Variants in VAV1 observed in about 807,000 individuals in gnomAD.
VAV1 encodes the protein vav guanine nucleotide exchange factor 1.
VAV1 carries 33 observed loss-of-function variants against 128.1 expected under a neutral mutation model. The ratio of observed to expected loss-of-function variants is 0.26; its 90% CI spans 0.20 to 0.34. The LOEUF (loss-of-function observed/expected upper bound fraction) is 0.34, where lower values mean the gene tolerates loss of function less well. Among genes scored for constraint, VAV1 ranks in the 10% least tolerant of loss-of-function variants. The pLI, the probability that VAV1 is intolerant of heterozygous loss-of-function variation, is 1.00. For missense variants in VAV1, 715 were observed against 1,093.7 expected, an observed-to-expected ratio of 0.65 and a Z score of 4.88; for synonymous variants, 394 against 409.8, an observed-to-expected ratio of 0.96 and a Z score of 0.47.
chr19:6,849,091 A>AT (rs57015940), intron 23 of VAV1, among the ~76,000 whole-genome samples: 10 of 148,622 alleles, frequency 6.7e-5, no homozygotes, highest in South Asian at 4.3e-4. Flanking sequence ...CCACCTATAT[A>AT]TTTTTTTTTT....
chr19:6,799,457 C>A (rs1971213508), intron 1 of VAV1, among the ~76,000 whole-genome samples: 1 of 152,144 alleles, frequency 6.6e-6, no homozygotes, highest in Non-Finnish European at 1.5e-5. Flanking sequence ...CGTGAGCCAC[C>A]ATGCCCGGCC....
intron 6 of VAV1, among the ~76,000 whole-genome samples, chr19:6,823,563 G>A (rs1271829938): frequency 1.3e-5 from 2 of 151,534 alleles, no homozygotes; most frequent in Non-Finnish European, 2.9e-5. Flanking sequence ...AAACTCCTGG[G>A]CTCAAGCAAT....
intron 25 of VAV1, 56 bp from the exon 26 acceptor site, chr19:6,853,891 A>T: frequency 6.3e-7 from 1 of 1,582,684 alleles, no homozygotes; most frequent in Non-Finnish European, 8.6e-7. Flanking sequence ...GTGCCCCCAG[A>T]GAGTGAGTGG....
intron 21 of VAV1, among the ~76,000 whole-genome samples, chr19:6,841,475 T>C (rs1972375246): frequency 1.2e-5 from 1 of 80,974 alleles, no homozygotes; most frequent in Non-Finnish European, 3.3e-5. Flanking sequence ...CTATTTTTCT[T>C]TTCTTTTTTT....
At chr19:6,839,570 G>C (rs545909379) in intron 21 of VAV1, among the ~76,000 whole-genome samples, 14 of 151,848 alleles carry the variant, frequency 9.2e-5, no homozygotes, top group Admixed American at 2.0e-4. Flanking sequence ...GCCCGGCTGG[G>C]TATGGCATTT....
rs549978086 is a variant in VAV1 at position 6,801,118 on chromosome 19, G to A, written c.205-19584G>A. ...TTTGTCTCCTGGCTGGATTACATAA[G>A]CCCTGTAAGGGCAGAGCTCTGTTTG... On this transcript the variant is annotated intron_variant, in intron 1 of 26. Transcript: ENST00000602142. Among the ~76,000 whole-genome samples, 132 of 152,276 alleles carry A rather than the reference G, an allele frequency of 8.7e-4. 1 individual carries two copies. Among genetic ancestry groups the A allele is most frequent in the South Asian group, 5.4e-3 (26 of 4,826 alleles).
At chr19:6,798,231 C>A (rs1032357966) in intron 1 of VAV1, among the ~76,000 whole-genome samples, 1 of 151,910 alleles carries the variant, frequency 6.6e-6, no homozygotes, top group Non-Finnish European at 1.5e-5. Flanking sequence ...GAGCGGAGAT[C>A]GCATCATTGC....
intron 21 of VAV1, among the ~76,000 whole-genome samples, chr19:6,838,757 T>A (rs1972294269): frequency 6.6e-6 from 1 of 152,110 alleles, no homozygotes; most frequent in Non-Finnish European, 1.5e-5. Flanking sequence ...AGAGAGAGGG[T>A]CTCATTCTGT....
intron 1 of VAV1, among the ~76,000 whole-genome samples, chr19:6,791,831 G>T (rs903622130): frequency 6.6e-6 from 1 of 152,162 alleles, no homozygotes; most frequent in Non-Finnish European, 1.5e-5. Flanking sequence ...AGGAGGAGGA[G>T]CCAGCTCTGG....
intron 1 of VAV1, among the ~76,000 whole-genome samples, chr19:6,789,740 G>A (rs1219583601): frequency 6.6e-6 from 1 of 152,128 alleles, no homozygotes; most frequent in Non-Finnish European, 1.5e-5. Context: ...TGGGTTTATA[G>A]GCATGTGCCA....
intron 21 of VAV1, among the ~76,000 whole-genome samples, chr19:6,842,000 T>A (rs1599675632): frequency 6.6e-6 from 1 of 151,420 alleles, no homozygotes; most frequent in Admixed American, 6.6e-5. Flanking sequence ...CCGAGGCGGG[T>A]GGATCACCTG....
At chr19:6,833,155 T>C in intron 15 of VAV1, 29 bp from the exon 16 acceptor site, 4 of 1,558,462 alleles carry the variant, frequency 2.6e-6, no homozygotes, top group South Asian at 1.2e-5. Flanking sequence ...GACCTTCTTT[T>C]TTTTTTTTTT....
intron 1 of VAV1, among the ~76,000 whole-genome samples, chr19:6,789,593 C>CTCCCTTCCTTCCTTCCT (rs1555698636): frequency 2.0e-5 from 3 of 149,992 alleles, no homozygotes; most frequent in African/African-American, 7.4e-5. Context: ...TTTTCTTTCC[C>CTCCCTTCCTTCCTTCCT]TCCTTCCTTC....
At chr19:6,831,381 G>A (rs1290634943) in intron 14 of VAV1, among the ~76,000 whole-genome samples, 3 of 152,050 alleles carry the variant, frequency 2.0e-5, no homozygotes, top group East Asian at 1.9e-4. Context: ...GCATGATCTC[G>A]GCTCACTGCA....
chr19:6,843,894 A>G (rs374242028), intron 22 of VAV1, among the ~76,000 whole-genome samples: 6 of 151,556 alleles, frequency 4.0e-5, no homozygotes, highest in Non-Finnish European at 8.8e-5. Context: ...GCTGAATTTT[A>G]TAGGCAGGAA....
intron 1 of VAV1, among the ~76,000 whole-genome samples, chr19:6,815,103 C>T (rs573991154): frequency 5.9e-5 from 9 of 151,976 alleles, no homozygotes; most frequent in Non-Finnish European, 1.2e-4. Context: ...AATTTAGTAA[C>T]GTTGTTTGAA....
chr19:6,851,164 A>G (rs1366771356), intron 24 of VAV1, among the ~76,000 whole-genome samples: 1 of 151,668 alleles, frequency 6.6e-6, no homozygotes, highest in Non-Finnish European at 1.5e-5. Flanking sequence ...ATATATATAG[A>G]TAGATAGAGA....
chr19:6,809,958 G>T (rs545834293), intron 1 of VAV1, among the ~76,000 whole-genome samples: 9 of 151,990 alleles, frequency 5.9e-5, no homozygotes, highest in Non-Finnish European at 8.8e-5. Context: ...ATTGTTTGAG[G>T]CCAGGAGTTC....
At position 6,781,609 on chromosome 19, in the gene VAV1, AT is replaced by A. The variant is rs5826948; in HGVS notation, c.204+8614del. Reference sequence around the variant, plus strand: ...GAACTACTGACCTTTTCTCTTACTGATTTTTTTTTTTTTTTTGAGGCTGAGT... The same window carrying A: ...GAACTACTGACCTTTTCTCTTACTGATTTTTTTTTTTTTTTGAGGCTGAGT... On this transcript the variant is annotated intron_variant, in intron 1 of 26. Coordinates refer to ENST00000602142, the MANE Select transcript of VAV1 (RefSeq NM_005428.4). Among the ~76,000 whole-genome samples the A allele has an allele frequency of 4.7e-3, 663 of 141,556 alleles. 2 individuals carry two copies. Among genetic ancestry groups the A allele is most frequent in the African/African-American group, 4.8e-3 (187 of 38,660 alleles). 92.9% of individuals were successfully genotyped at this position (141,556 alleles called of 152,430 possible).
Sources: allele counts gnomAD v4.1 joint callset (sites outside exome capture counted in the v4.1 genomes callset), GRCh38; gene constraint gnomAD v4.1.1; transcripts MANE v1.5; gene names NCBI Gene and HGNC (gene_info 2026-07-23, HGNC 2026-07-21).